Variants in DAB1 observed in about 807,000 individuals in gnomAD.
The protein encoded by DAB1 is DAB adaptor protein 1.
DAB1 carries 15 observed loss-of-function variants against 64.6 expected under a neutral mutation model. The observed-to-expected ratio is 0.23, with a 90% CI of 0.16 to 0.36. DAB1 has a LOEUF of 0.36. DAB1 is among the 10% of genes least tolerant of loss of function. The probability of loss-of-function intolerance (pLI) is 1.00; values close to 1 mark genes in which losing one functional copy is unlikely to be tolerated. For synonymous variants in DAB1, 235 were observed against 251.9 expected (o/e 0.93, Z 0.64); for missense variants, 596 against 706.7 (o/e 0.84, Z 1.78).
chr1:57,496,095 T>C (rs1355284957), intron 7 of DAB1, among the ~76,000 whole-genome samples: 1 of 152,172 alleles, frequency 6.6e-6, no homozygotes, highest in Non-Finnish European at 1.5e-5. Context: ...TTTGAAAAAA[T>C]GTCATTATGA....
intron 4 of DAB1, among the ~76,000 whole-genome samples, chr1:58,194,887 TG>T (rs940244254): frequency 6.6e-6 from 1 of 152,230 alleles, no homozygotes; most frequent in Non-Finnish European, 1.5e-5. Flanking sequence ...AGGCACAGCC[TG>T]GAATACTGTT....
intron 6 of DAB1, among the ~76,000 whole-genome samples, chr1:57,775,241 T>C (rs1649741633): frequency 6.6e-6 from 1 of 151,570 alleles, no homozygotes; most frequent in South Asian, 2.1e-4. Context: ...ATTTTCTTTA[T>C]TGTTTGCCTG....
intron 7 of DAB1, among the ~76,000 whole-genome samples, chr1:57,577,921 G>C (rs139684780): frequency 2.0e-5 from 3 of 152,164 alleles, no homozygotes; most frequent in Non-Finnish European, 2.9e-5. Flanking sequence ...AATGAGCAGA[G>C]GAAATATAAA....
intron 3 of DAB1, among the ~76,000 whole-genome samples, chr1:58,409,545 G>A (rs192179471): frequency 3.9e-5 from 6 of 152,276 alleles, no homozygotes; most frequent in East Asian, 1.9e-4. Flanking sequence ...AACAGAGGCC[G>A]GAAAATCATT....
chr1:57,905,907 T>A (rs72920612), intron 5 of DAB1, among the ~76,000 whole-genome samples: 1 of 152,208 alleles, frequency 6.6e-6, no homozygotes, highest in African/African-American at 2.4e-5. Flanking sequence ...GTGACAGGAA[T>A]GCAGAGAATT....
intron 2 of DAB1, among the ~76,000 whole-genome samples, chr1:57,270,888 C>G (rs1282256017): frequency 1.3e-5 from 2 of 152,158 alleles, no homozygotes; most frequent in African/African-American, 4.8e-5. Flanking sequence ...AACATCATAC[C>G]TGAGCCACCC....
intron 5 of DAB1, among the ~76,000 whole-genome samples, chr1:57,919,072 G>T (rs988243749): frequency 2.0e-5 from 3 of 152,198 alleles, no homozygotes; most frequent in African/African-American, 7.2e-5. Flanking sequence ...GAGTAAGAGA[G>T]ACCTCAATTT....
intron 5 of DAB1, among the ~76,000 whole-genome samples, chr1:57,925,446 G>T (rs1320437791): frequency 6.6e-6 from 1 of 152,120 alleles, no homozygotes; most frequent in Non-Finnish European, 1.5e-5. Flanking sequence ...CTCATCCTAA[G>T]CAAAGGGGCT....
intron 7 of DAB1, among the ~76,000 whole-genome samples, chr1:57,431,909 G>A (rs1685532180): frequency 6.6e-6 from 1 of 152,140 alleles, no homozygotes; most frequent in Non-Finnish European, 1.5e-5. Context: ...AGATCACGAG[G>A]TCAGGAGTTC....
At chr1:58,432,522 A>G (rs1208753959) in intron 3 of DAB1, among the ~76,000 whole-genome samples, 1 of 152,090 alleles carries the variant, frequency 6.6e-6, no homozygotes, top group African/African-American at 2.4e-5. Context: ...CACCAGGCCT[A>G]CCCGCCAAGT....
At chr1:58,250,402 ATGCTC>A (rs948727091) in intron 4 of DAB1, among the ~76,000 whole-genome samples, 28 of 152,194 alleles carry the variant, frequency 1.8e-4, no homozygotes, top group Non-Finnish European at 2.9e-4. Flanking sequence ...CGGAGAGGGG[ATGCTC>A]ACTCCTAGCG....
At chr1:57,529,618 A>G (rs185779955) in intron 7 of DAB1, among the ~76,000 whole-genome samples, 2 of 152,304 alleles carry the variant, frequency 1.3e-5, no homozygotes, top group African/African-American at 2.4e-5. Flanking sequence ...CAATATTACT[A>G]GAGGTAAAGC....
intron 7 of DAB1, among the ~76,000 whole-genome samples, chr1:57,443,163 C>T (rs1686016256): frequency 6.6e-6 from 1 of 152,220 alleles, no homozygotes; most frequent in Non-Finnish European, 1.5e-5. Context: ...TGGGAACCTT[C>T]CATATCTGGA....
intron 2 of DAB1, among the ~76,000 whole-genome samples, chr1:58,506,681 C>T (rs1039167305): frequency 3.9e-5 from 6 of 152,020 alleles, no homozygotes; most frequent in African/African-American, 1.4e-4. Flanking sequence ...ATTCTGTTTT[C>T]ATAAAGTTTT....
At chr1:57,973,805 C>T (rs1261828793) in intron 5 of DAB1, among the ~76,000 whole-genome samples, 1 of 152,080 alleles carries the variant, frequency 6.6e-6, no homozygotes, top group East Asian at 1.9e-4. Flanking sequence ...TTTATATTAG[C>T]CTCCAAGCAG....
chr1:57,070,631 A>G, intron 7 of DAB1: 1 of 229,802 alleles, frequency 4.4e-6, no homozygotes, highest in East Asian at 1.2e-4. Context: ...CTGTGCTAAA[A>G]TGCTACCAAA....
intron 3 of DAB1, among the ~76,000 whole-genome samples, chr1:58,494,476 C>A (rs995232715): frequency 4.4e-4 from 67 of 152,286 alleles, no homozygotes; most frequent in African/African-American, 1.6e-3. Context: ...TCAGAGTGAA[C>A]AGGCAACCTA....
At chr1:57,218,515 TAAAAAAAAAAAAAAAAAA>T (rs776398255) in intron 2 of DAB1, among the ~76,000 whole-genome samples, 1 of 71,440 alleles carries the variant, frequency 1.4e-5, no homozygotes, top group Non-Finnish European at 2.3e-5. Context: ...CCCCCATCTC[TAAAAAAAAAAAAAAAAAA>T]AAAAAAAAAA....
intron 9 of DAB1, among the ~76,000 whole-genome samples, chr1:57,045,234 G>A (rs191853655): frequency 4.0e-4 from 61 of 152,304 alleles, no homozygotes; most frequent in African/African-American, 1.4e-3. Context: ...AGCTTGTCCT[G>A]TTCCAGTCTA....
Sources: allele counts gnomAD v4.1 joint callset (sites outside exome capture counted in the v4.1 genomes callset), GRCh38; gene constraint gnomAD v4.1.1; transcripts MANE v1.5; gene names NCBI Gene and HGNC (gene_info 2026-07-23, HGNC 2026-07-21).